CLRN3: variants seen among roughly 807,000 people sequenced by gnomAD.
The protein encoded by CLRN3 is clarin 3.
A neutral mutation model predicts 16.7 loss-of-function variants in CLRN3; 12 were observed. That is an observed-to-expected ratio of 0.72 (90% CI 0.46 to 1.16). The LOEUF (loss-of-function observed/expected upper bound fraction) is 1.16, where lower values mean the gene tolerates loss of function less well. CLRN3 is among the 50% of genes most tolerant of loss of function. CLRN3 has a pLI of 0.00. For missense variants in CLRN3, 296 were observed against 274.2 expected (o/e 1.08, Z -0.56); for synonymous variants, 118 against 113.0 (o/e 1.04, Z -0.28).
At chr10:127,889,811 A>G (rs1256796259) in intron 1 of CLRN3, among the ~76,000 whole-genome samples, 1 of 152,224 alleles carries the variant, frequency 6.6e-6, no homozygotes, top group Non-Finnish European at 1.5e-5. Flanking sequence ...GAAACAGAGC[A>G]CATTGTGCTT....
At chr10:127,883,471 A>T (rs760678204) in intron 2 of CLRN3, among the ~76,000 whole-genome samples, 5 of 152,212 alleles carry the variant, frequency 3.3e-5, no homozygotes, top group Non-Finnish European at 5.9e-5. Flanking sequence ...GGCTTGTTAT[A>T]AGCCTCCTCA....
chr10:127,881,652 C>A (rs1360187066), intron 2 of CLRN3, among the ~76,000 whole-genome samples: 1 of 152,198 alleles, frequency 6.6e-6, no homozygotes, highest in Admixed American at 6.5e-5. Context: ...GGAATTCAAC[C>A]CTGCCAGCCA....
rs1845078000 is a variant in CLRN3, at chr10:127,877,975, T to C, written c.*174A>G. 1.3e-6 allele frequency: 1 copy of C among 743,378 alleles called. No homozygotes were observed. Among genetic ancestry groups the C allele is most frequent in the Non-Finnish European group, 2.1e-6 (1 of 470,658 alleles). The allele number at this position is 743,378 out of a possible 1,614,324, so 46.0% of individuals were successfully genotyped here. ...CATTTCCCATTCATTTCCCCAACCT[T>C]GTGGGAAAAATTTTCAGGAGTACAG... is the stretch of plus-strand genomic sequence containing the variant. On this transcript the variant is annotated 3_prime_UTR_variant, in exon 3 of 3. Transcript: ENST00000368671.
intron 2 of CLRN3, among the ~76,000 whole-genome samples, chr10:127,880,277 A>G (rs1845112449): frequency 6.6e-6 from 1 of 152,216 alleles, no homozygotes; most frequent in East Asian, 1.9e-4. Flanking sequence ...GCTGCCTAGA[A>G]CTTTGATTTG....
chr10:127,880,982 C>T (rs1211051895), intron 2 of CLRN3, among the ~76,000 whole-genome samples: 1 of 152,098 alleles, frequency 6.6e-6, no homozygotes, highest in African/African-American at 2.4e-5. Context: ...GTTCTCCAAC[C>T]CTCAAAGCTC....
chr10:127,885,567 C>A (rs752914432), intron 1 of CLRN3, among the ~76,000 whole-genome samples: 1 of 152,050 alleles, frequency 6.6e-6, no homozygotes, highest in Non-Finnish European at 1.5e-5. Flanking sequence ...GACTCTATTT[C>A]TCTTTCTCTC....
rs773023258 is a variant in CLRN3, at chr10:127,883,768, A to T, written c.337T>A (p.Tyr113Asn). The change falls in exon 2 of 3, where the codon TAC becomes AAC. Residue 113 changes from tyrosine (Y) to asparagine (N), a missense_variant. Coordinates refer to ENST00000368671, the MANE Select transcript of CLRN3 (RefSeq NM_152311.5). ...TSLLSSGFTF[Y>N]NSISNPYQTF... ...TGGTAAGGGTTGCTGATGCTGTTGTAGAAGGTAAACCCAGAGCTCAGCAGC... is the reference window on the plus strand; with the variant it reads ...TGGTAAGGGTTGCTGATGCTGTTGTTGAAGGTAAACCCAGAGCTCAGCAGC... 1.9e-5 allele frequency: 30 copies of T among 1,613,822 alleles called. No homozygotes were observed. Among genetic ancestry groups the T allele is most frequent in the Middle Eastern group, 1.6e-4 (1 of 6,084 alleles).
Position 127,878,344 on chromosome 10 carries a change from T to A in CLRN3, c.486A>T (p.Gln162His). 1.9e-6 allele frequency: 3 copies of A among 1,614,124 alleles called. No homozygotes were observed. The highest frequency in any genetic ancestry group is 2.5e-6 in the Non-Finnish European group (3 of 1,180,002). The change falls in exon 3 of 3, where the codon CAA becomes CAT. Residue 162 changes from glutamine (Q) to histidine (H), a missense_variant. Physicochemically the swap from Gln to His is conservative, Grantham distance 24. Coordinates refer to ENST00000368671, the MANE Select transcript of CLRN3 (RefSeq NM_152311.5). ...TACTGGTGGTTGCCGGGTAAAGCAT[T>A]TGGAACAACTCTTCGGAGAGTTGGT... ...QSNQLSEELF[Q>H]MLYPATTSKG... is the part of the protein sequence containing the mutation.
intron 2 of CLRN3, among the ~76,000 whole-genome samples, chr10:127,881,456 C>T (rs759199002): frequency 8.5e-5 from 13 of 152,244 alleles, no homozygotes; most frequent in Admixed American, 8.5e-4. Context: ...GCTGTAGACA[C>T]AGCAATGCTG....
chr10:127,887,638 C>T (rs1255058493), intron 1 of CLRN3, among the ~76,000 whole-genome samples: 1 of 152,052 alleles, frequency 6.6e-6, no homozygotes, highest in Non-Finnish European at 1.5e-5. Flanking sequence ...AATTATTTTC[C>T]GGCTTTCTGA....
In CLRN3 at chr10:127,880,324, A is replaced by G. The variant is rs192923871; in HGVS notation, c.410-1904T>C. Among the ~76,000 whole-genome samples the G allele has an allele frequency of 4.6e-5, 7 of 152,054 alleles. No homozygotes were observed. In the East Asian group the frequency reaches 1.2e-3, roughly 25 times the overall value. ...GCCGACACACAGACACAAAATGCAA[A>G]CCTGAGTCCCCTTTAGTGATGAGAT... On this transcript the variant is annotated intron_variant, in intron 2 of 2. Transcript: ENST00000368671.
At chr10:127,878,956 G>A (rs989392577) in intron 2 of CLRN3, among the ~76,000 whole-genome samples, 2 of 152,160 alleles carry the variant, frequency 1.3e-5, no homozygotes, top group African/African-American at 4.8e-5. Flanking sequence ...AGCCACAAAT[G>A]CCATCCCAGG....
intron 1 of CLRN3, among the ~76,000 whole-genome samples, chr10:127,887,159 A>G (rs971150461): frequency 6.6e-6 from 1 of 152,226 alleles, no homozygotes; most frequent in Non-Finnish European, 1.5e-5. Flanking sequence ...GGAGGAGAGA[A>G]GGAAAAAATC....
chr10:127,890,938 T>C (rs1178265664), intron 1 of CLRN3, among the ~76,000 whole-genome samples: 2 of 152,184 alleles, frequency 1.3e-5, no homozygotes, highest in Admixed American at 6.5e-5. Context: ...AGAGTGACAG[T>C]GCAGCCCCTT....
intron 1 of CLRN3, 117 bp downstream of exon 1, chr10:127,892,439 A>G: frequency 3.0e-6 from 2 of 670,556 alleles, no homozygotes; most frequent in Admixed American, 5.2e-5. Context: ...TTGTACCTTC[A>G]GCCTAACCCA....
chr10:127,885,919 C>T (rs1359444343), intron 1 of CLRN3, among the ~76,000 whole-genome samples: 1 of 152,078 alleles, frequency 6.6e-6, no homozygotes, highest in African/African-American at 2.4e-5. Flanking sequence ...CCATGCCAGG[C>T]TAATTTTGTA....
chr10:127,884,848 G>A (rs1266745370), intron 1 of CLRN3, among the ~76,000 whole-genome samples: 1 of 152,204 alleles, frequency 6.6e-6, no homozygotes, highest in African/African-American at 2.4e-5. Flanking sequence ...GACAGGGTGT[G>A]TGAGGCCCTG....
intron 2 of CLRN3, among the ~76,000 whole-genome samples, chr10:127,882,917 C>T (rs1845145956): frequency 6.6e-6 from 1 of 152,176 alleles, no homozygotes; most frequent in South Asian, 2.1e-4. Context: ...GGCAGCTGGG[C>T]AGGGCAAATA....
chr10:127,881,157 C>A (rs1366135508), intron 2 of CLRN3, among the ~76,000 whole-genome samples: 1 of 152,198 alleles, frequency 6.6e-6, no homozygotes, highest in Non-Finnish European at 1.5e-5. Context: ...TACACATCAA[C>A]CTCTCAGGTT....
Sources: allele counts gnomAD v4.1 joint callset (sites outside exome capture counted in the v4.1 genomes callset), GRCh38; gene constraint gnomAD v4.1.1; transcripts MANE v1.5; gene names NCBI Gene and HGNC (gene_info 2026-07-23, HGNC 2026-07-21).